Variants in CDH11 observed in about 807,000 individuals in gnomAD.
CDH11 encodes the protein cadherin-11.
CDH11 carries 11 observed loss-of-function variants against 67.8 expected under a neutral mutation model. The ratio of observed to expected loss-of-function variants is 0.16; its 90% CI spans 0.10 to 0.27. The LOEUF (loss-of-function observed/expected upper bound fraction) is 0.27, where lower values mean the gene tolerates loss of function less well. CDH11 is among the 10% of genes least tolerant of loss of function. The pLI, the probability that CDH11 is intolerant of heterozygous loss-of-function variation, is 1.00. For missense variants in CDH11, 847 were observed against 1,031.2 expected, an observed-to-expected ratio of 0.82 and a Z score of 2.45; for synonymous variants, 419 against 400.0, an observed-to-expected ratio of 1.05 and a Z score of -0.57.
intron 3 of CDH11, 79 bp downstream of exon 3, chr16:65,004,563 C>T: frequency 7.0e-7 from 1 of 1,430,818 alleles, no homozygotes; most frequent in Non-Finnish European, 9.4e-7. Flanking sequence ...TGCCTGTGGG[C>T]CTTTTGCTTC....
chr16:64,984,655 G>T lies in CDH11; in HGVS notation c.1000-2354C>A, dbSNP rs563065688. 7 of 152,172 alleles carry T rather than the reference G, an allele frequency of 4.6e-5. No individual in the cohort carries two copies. In the South Asian group the frequency reaches 1.5e-3, roughly 32 times the overall value. 9.4% of individuals were successfully genotyped at this position (152,172 alleles called of 1,614,324 possible). On this transcript the variant is annotated intron_variant, in intron 7 of 12. Coordinates refer to ENST00000268603, the MANE Select transcript of CDH11 (RefSeq NM_001797.4). ...TGATATTTGTTAGATATAATAGAAG[G>T]TTATATCTAATCTGTGGAAATGTAC...
intron 1 of CDH11, among the ~76,000 whole-genome samples, chr16:65,089,706 G>A (rs530143024): frequency 2.0e-5 from 3 of 152,194 alleles, no homozygotes; most frequent in Middle Eastern, 3.4e-3. Flanking sequence ...TTTCTTTTGC[G>A]TGTTACATAT....
intron 2 of CDH11, among the ~76,000 whole-genome samples, chr16:65,015,982 T>G (rs1453983072): frequency 6.6e-6 from 1 of 152,116 alleles, no homozygotes; most frequent in Non-Finnish European, 1.5e-5. Flanking sequence ...TCAGAGTATG[T>G]GGATGGAAGC....
At chr16:65,037,051 G>A (rs1268649309) in intron 2 of CDH11, among the ~76,000 whole-genome samples, 1 of 152,038 alleles carries the variant, frequency 6.6e-6, no homozygotes, top group Non-Finnish European at 1.5e-5. Flanking sequence ...ACATTCAAGG[G>A]GGCAGACCAC....
At chr16:65,111,493 G>GA (rs2075154044) in intron 1 of CDH11, among the ~76,000 whole-genome samples, 1 of 152,044 alleles carries the variant, frequency 6.6e-6, no homozygotes, top group Non-Finnish European at 1.5e-5. Flanking sequence ...AGCACATAAG[G>GA]AAAAAGAAAT....
chr16:64,972,185 C>T (rs1202574278), intron 9 of CDH11, 121 bp from the exon 10 acceptor site: 2 of 802,216 alleles, frequency 2.5e-6, no homozygotes, highest in Admixed American at 2.5e-5. Context: ...GAAAGATGTT[C>T]TTGTCACAGA....
At chr16:65,014,195 G>A (rs2073244769) in intron 2 of CDH11, among the ~76,000 whole-genome samples, 1 of 152,146 alleles carries the variant, frequency 6.6e-6, no homozygotes, top group South Asian at 2.1e-4. Context: ...ATACAATAGA[G>A]ATTGCTAAAT....
At chr16:65,082,977 C>G (rs2074636533) in intron 1 of CDH11, among the ~76,000 whole-genome samples, 1 of 152,152 alleles carries the variant, frequency 6.6e-6, no homozygotes, top group Non-Finnish European at 1.5e-5. Context: ...TGTAGTAGGG[C>G]TTGGCACATG....
intron 1 of CDH11, chr16:65,059,671 A>G (rs2074205262): frequency 6.6e-6 from 1 of 152,182 alleles, no homozygotes; most frequent in South Asian, 2.1e-4. Flanking sequence ...TTGTGCTGCC[A>G]CCATAAATTC....
At position 64,946,379 on chromosome 16, in the gene CDH11, C is replaced by A. The variant is rs145307014; in HGVS notation, c.*1224G>T. 934 of 1,038,004 alleles carry A rather than the reference C, an allele frequency of 9.0e-4. 8 individuals are homozygous for A. The African/African-American group carries it at 0.014, about 16-fold the overall frequency. The allele number at this position is 1,038,004 out of a possible 1,614,324, so 64.3% of individuals were successfully genotyped here. A position where few individuals can be genotyped will look rare whatever the true frequency, so the allele number is the denominator to read the frequency against. On this transcript the variant is annotated 3_prime_UTR_variant, in exon 13 of 13. Transcript: ENST00000268603. ...CTCAGTGTGGGGCATAGAATGTATA[C>A]CTGGAACATTAGAGTTCTGATAGCT...
chr16:65,086,330 G>A (rs760928850), intron 1 of CDH11, among the ~76,000 whole-genome samples: 9 of 152,146 alleles, frequency 5.9e-5, no homozygotes, highest in Non-Finnish European at 1.0e-4. Context: ...TCACTTGCAC[G>A]GCTCTTTAAA....
chr16:65,088,291 C>A (rs975350770), intron 1 of CDH11, among the ~76,000 whole-genome samples: 6 of 152,170 alleles, frequency 3.9e-5, no homozygotes, highest in Admixed American at 6.5e-5. Context: ...TTATAAATTT[C>A]CCACTCTAAG....
At chr16:65,109,709 G>A (rs2075124662) in intron 1 of CDH11, among the ~76,000 whole-genome samples, 1 of 152,102 alleles carries the variant, frequency 6.6e-6, no homozygotes, top group Non-Finnish European at 1.5e-5. Flanking sequence ...AGAACTGGAT[G>A]TGTCCCTTAC....
intron 11 of CDH11, among the ~76,000 whole-genome samples, chr16:64,954,586 G>C (rs1408131322): frequency 6.6e-6 from 1 of 152,144 alleles, no homozygotes; most frequent in African/African-American, 2.4e-5. Flanking sequence ...TCCAGGGCTG[G>C]TGAGCTGGTA....
chr16:64,957,270 G>A (rs1597013852), intron 11 of CDH11, among the ~76,000 whole-genome samples: 2 of 152,188 alleles, frequency 1.3e-5, no homozygotes, highest in Admixed American at 6.5e-5. Context: ...TCTATCTTAT[G>A]AAAAAGGCCA....
intron 7 of CDH11, chr16:64,986,649 G>A (rs1247475416): frequency 1.3e-5 from 2 of 152,014 alleles, no homozygotes; most frequent in Non-Finnish European, 2.9e-5. Flanking sequence ...TTTTCCAGAG[G>A]AGAAACCAGA....
In CDH11 at chr16:64,946,346, C is replaced by T. The variant is rs2071196059; in HGVS notation, c.*1257G>A. 6 of 1,034,900 alleles carry T rather than the reference C, an allele frequency of 5.8e-6. No homozygotes were observed. Among genetic ancestry groups the T allele is most frequent in the Non-Finnish European group, 7.0e-6 (6 of 860,686 alleles). The allele number at this position is 1,034,900 out of a possible 1,614,324, so 64.1% of individuals were successfully genotyped here. ...TATTTTTGACTCTAGTCCCCCAGTTCCCCAGTGCTCAGTGTGGGGCATAGA... is the reference window on the plus strand; with the variant it reads ...TATTTTTGACTCTAGTCCCCCAGTTTCCCAGTGCTCAGTGTGGGGCATAGA... On this transcript the variant is annotated 3_prime_UTR_variant, in exon 13 of 13. Transcript: ENST00000268603.
chr16:65,094,454 C>G (rs2074849874), intron 1 of CDH11, among the ~76,000 whole-genome samples: 1 of 152,072 alleles, frequency 6.6e-6, no homozygotes, highest in Non-Finnish European at 1.5e-5. Context: ...CACACACACA[C>G]ACACAGTAGA....
intron 2 of CDH11, among the ~76,000 whole-genome samples, chr16:65,043,829 T>A (rs571717053): frequency 1.1e-4 from 16 of 152,092 alleles, no homozygotes; most frequent in Non-Finnish European, 2.4e-4. Flanking sequence ...TTGGCATTGG[T>A]CTTGGGGGGA....
Sources: allele counts gnomAD v4.1 joint callset (sites outside exome capture counted in the v4.1 genomes callset), GRCh38; gene constraint gnomAD v4.1.1; transcripts MANE v1.5; gene names NCBI Gene and HGNC (gene_info 2026-07-23, HGNC 2026-07-21).